Variants in PPARGC1A observed in about 807,000 individuals in gnomAD.
The protein encoded by PPARGC1A is PPARG coactivator 1 alpha, also known as peroxisome proliferator-activated receptor gamma coactivator 1-alpha.
Under a neutral mutation model 88.7 loss-of-function variants are expected in PPARGC1A, and 25 were observed. The ratio of observed to expected loss-of-function variants is 0.28; its 90% CI spans 0.21 to 0.39. The LOEUF (loss-of-function observed/expected upper bound fraction) is 0.39, where lower values mean the gene tolerates loss of function less well. Ranked by LOEUF, PPARGC1A falls within the 10% of genes least tolerant of loss-of-function variation. The probability of loss-of-function intolerance (pLI) is 1.00; values close to 1 mark genes in which losing one functional copy is unlikely to be tolerated. For synonymous variants in PPARGC1A, 363 were observed against 355.6 expected (o/e 1.02, Z -0.24); for missense variants, 880 against 968.7 (o/e 0.91, Z 1.22).
the PPARGC1A span, among the ~76,000 whole-genome samples, chr4:24,081,872 G>C: frequency 3.9e-5 from 6 of 151,940 alleles, no homozygotes; most frequent in African/African-American, 1.5e-4. Context: ...TTTTTGTGCA[G>C]GGCTCTTAAC....
chr4:23,810,197 C>T (rs1410191714), intron 10 of PPARGC1A, among the ~76,000 whole-genome samples: 1 of 152,210 alleles, frequency 6.6e-6, no homozygotes, highest in Non-Finnish European at 1.5e-5. Flanking sequence ...ATAGTCCACT[C>T]TGTTGGTAAA....
chr4:24,455,283 C>A, the PPARGC1A span, among the ~76,000 whole-genome samples: 13 of 152,152 alleles, frequency 8.5e-5, no homozygotes, highest in Admixed American at 3.3e-4. Context: ...AAGTTTGAGA[C>A]CAGCCTGGGC....
chr4:24,126,453 T>C, the PPARGC1A span, among the ~76,000 whole-genome samples: 51 of 152,316 alleles, frequency 3.3e-4, no homozygotes, highest in Non-Finnish European at 6.8e-4. Flanking sequence ...AGTAGTTTAT[T>C]TGGGATGTGT....
At position 23,832,678 on chromosome 4, in the gene PPARGC1A, C is replaced by T. The variant is rs539913645; in HGVS notation, c.235-927G>A. ...AGACTGGAGTGCAGTGGCGCGATCT[C>T]GGCTCACTGCAAGCTCCGCCTCCTG... On this transcript the variant is annotated intron_variant, in intron 2 of 12. Transcript: ENST00000264867. Among the ~76,000 whole-genome samples the T allele has an allele frequency of 1.2e-3, 182 of 149,330 alleles. 1 individual carries two copies. The highest frequency in any genetic ancestry group is 4.1e-3 in the African/African-American group (168 of 40,504).
chr4:24,471,885 A>G, the PPARGC1A span, among the ~76,000 whole-genome samples: 1 of 152,284 alleles, frequency 6.6e-6, no homozygotes, highest in East Asian at 1.9e-4. The surrounding 1 kb of genome is among the most constrained non-coding windows in gnomAD (Gnocchi z 5.4). Context: ...CAGCCATTTT[A>G]GGGAAAGAGG....
Position 23,802,297 on chromosome 4 carries a change from G to A in PPARGC1A, c.2068C>T (p.Arg690Trp), listed in dbSNP as rs769322514. 18 of 1,613,602 alleles carry A rather than the reference G, an allele frequency of 1.1e-5. No individual in the cohort carries two copies. The highest frequency in any genetic ancestry group is 1.4e-5 in the Non-Finnish European group (17 of 1,179,922). Residue 690 changes from arginine (R) to tryptophan (W), a missense_variant, in exon 11 of 13, where the codon CGG becomes TGG. Arg to Trp is a moderately radical substitution (Grantham distance 101). Coordinates refer to ENST00000264867, the MANE Select transcript of PPARGC1A (RefSeq NM_013261.5). ...TCAAAACGGTCCCTCAGTTCTGTCC[G>A]TGTTGTGTCAGGTCTGATTTTACCG... ...YVGKIRPDTT[R>W]TELRDRFEVF...
the PPARGC1A span, among the ~76,000 whole-genome samples, chr4:24,257,693 T>C: frequency 6.6e-6 from 1 of 152,308 alleles, no homozygotes; most frequent in East Asian, 1.9e-4. Flanking sequence ...CTGCCCCATG[T>C]CTGCAAACAC....
chr4:24,233,867 T>C, the PPARGC1A span, among the ~76,000 whole-genome samples: 2 of 152,080 alleles, frequency 1.3e-5, no homozygotes, highest in African/African-American at 2.4e-5. Flanking sequence ...ATTTAAATGG[T>C]CCCAGCCTAA....
At chr4:23,901,183 C>T (rs917100700), upstream of PPARGC1A, among the ~76,000 whole-genome samples, 55 of 152,014 alleles carry the variant, frequency 3.6e-4, no homozygotes, top group Admixed American at 2.2e-3. Context: ...CTGGCTAACA[C>T]GGTGAAACCC....
the PPARGC1A span, among the ~76,000 whole-genome samples, chr4:24,280,105 T>G: frequency 2.7e-4 from 41 of 152,270 alleles, no homozygotes; most frequent in East Asian, 7.1e-3. Context: ...CGTCTCATCT[T>G]TAATGTTAAC....
the PPARGC1A span, among the ~76,000 whole-genome samples, chr4:24,472,306 C>T: frequency 6.6e-6 from 1 of 151,776 alleles, no homozygotes; most frequent in Non-Finnish European, 1.5e-5. This position sits in a 1 kb window ranked among gnomAD's most constrained non-coding sequence, Gnocchi z 4.5. Flanking sequence ...GCCTCCCCAC[C>T]AAGTACCAAG....
chr4:24,165,680 A>G, the PPARGC1A span, among the ~76,000 whole-genome samples: 2 of 152,150 alleles, frequency 1.3e-5, no homozygotes, highest in Non-Finnish European at 2.9e-5. Context: ...GTGATCTGTG[A>G]TCAGTGAACT....
the PPARGC1A span, among the ~76,000 whole-genome samples, chr4:23,956,340 G>C: frequency 6.6e-6 from 1 of 152,060 alleles, no homozygotes; most frequent in East Asian, 1.9e-4. Flanking sequence ...AAGCTCCCAG[G>C]TGACATTGAT....
At chr4:24,254,592 A>G in the PPARGC1A span, among the ~76,000 whole-genome samples, 1 of 152,200 alleles carries the variant, frequency 6.6e-6, no homozygotes, top group Admixed American at 6.5e-5. Flanking sequence ...TCTAAATACA[A>G]CCAACTAAAA....
intron 2 of PPARGC1A, among the ~76,000 whole-genome samples, chr4:23,873,916 T>C (rs1714128639): frequency 6.6e-6 from 1 of 152,116 alleles, no homozygotes; most frequent in Non-Finnish European, 1.5e-5. Context: ...CACACCAGAT[T>C]AGCCAATTAG....
At chr4:24,142,031 C>T in the PPARGC1A span, among the ~76,000 whole-genome samples, 21 of 152,214 alleles carry the variant, frequency 1.4e-4, no homozygotes, top group Admixed American at 6.5e-4. Context: ...AACTATTTAG[C>T]TTTCATAATA....
chr4:24,390,767 T>C, the PPARGC1A span, among the ~76,000 whole-genome samples: 1 of 152,020 alleles, frequency 6.6e-6, no homozygotes, highest in Non-Finnish European at 1.5e-5. Flanking sequence ...TGTTGCTCTC[T>C]CACCTTTTTT....
At chr4:24,130,121 A>C in the PPARGC1A span, among the ~76,000 whole-genome samples, 1 of 152,194 alleles carries the variant, frequency 6.6e-6, no homozygotes. Flanking sequence ...CACGTTGTGC[A>C]CATGTACCCT....
chr4:24,112,792 C>T, the PPARGC1A span, among the ~76,000 whole-genome samples: 1 of 152,108 alleles, frequency 6.6e-6, no homozygotes, highest in East Asian at 1.9e-4. Context: ...TTTAAATGTG[C>T]TCATTATCAA....
Sources: allele counts gnomAD v4.1 joint callset (sites outside exome capture counted in the v4.1 genomes callset), GRCh38; gene constraint gnomAD v4.1.1; non-coding constraint Gnocchi (gnomAD v3.1); transcripts MANE v1.5; gene names NCBI Gene and HGNC (gene_info 2026-07-23, HGNC 2026-07-21).